The following LAIR2 variants were observed in gnomAD, a reference collection of about 807,000 sequenced individuals.
The protein encoded by LAIR2 is leukocyte associated immunoglobulin like receptor 2, also known as leukocyte-associated immunoglobulin-like receptor 2.
A neutral mutation model predicts 14.8 loss-of-function variants in LAIR2; 14 were observed. The ratio of observed to expected loss-of-function variants is 0.95; its 90% CI spans 0.62 to 1.48. LAIR2 has a LOEUF of 1.48. LAIR2 is among the 40% of genes most tolerant of loss of function. LAIR2 has a pLI of 0.00. For missense variants in LAIR2, 172 were observed against 180.9 expected, an observed-to-expected ratio of 0.95 and a Z score of 0.28; for synonymous variants, 75 against 74.5, an observed-to-expected ratio of 1.01 and a Z score of -0.03.
intron 2 of LAIR2, among the ~76,000 whole-genome samples, chr19:54,506,832 A>G (rs2085372834): frequency 6.6e-6 from 1 of 152,236 alleles, no homozygotes; most frequent in African/African-American, 2.4e-5. Context: ...TTTCGTCTAG[A>G]CAGGGAGAGT....
At chr19:54,509,844 C>T (rs1425776091) in intron 4 of LAIR2, among the ~76,000 whole-genome samples, 7 of 151,578 alleles carry the variant, frequency 4.6e-5, no homozygotes, top group African/African-American at 9.7e-5. Flanking sequence ...TGTCCATCTC[C>T]GCCTGTGATC....
chr19:54,504,102 A>G (rs1004014677), intron 2 of LAIR2, among the ~76,000 whole-genome samples: 4 of 145,264 alleles, frequency 2.8e-5, no homozygotes, highest in African/African-American at 7.7e-5. Flanking sequence ...GATTACAGGC[A>G]CCCACCACCA....
chr19:54,506,237 C>T (rs1476398460), intron 2 of LAIR2, among the ~76,000 whole-genome samples: 1 of 152,130 alleles, frequency 6.6e-6, no homozygotes, highest in Non-Finnish European at 1.5e-5. Flanking sequence ...ATGGCTACAT[C>T]GAGCTAGGCA....
At chr19:54,508,213 G>C (rs1555754840) in intron 3 of LAIR2, 29 bp downstream of exon 3, 1 of 1,591,514 alleles carries the variant, frequency 6.3e-7, no homozygotes, top group South Asian at 1.1e-5. Context: ...CCCTGCCCCA[G>C]TCTCAGCTCG....
intron 2 of LAIR2, among the ~76,000 whole-genome samples, chr19:54,506,200 C>T (rs6509880): frequency 0.45 from 68,658 of 151,864 alleles, 15,724 homozygotes; most frequent in Middle Eastern, 0.47. Context: ...TCCAATATGA[C>T]GTTGTGGACT....
intron 1 of LAIR2, among the ~76,000 whole-genome samples, chr19:54,503,290 A>G (rs1406284867): frequency 1.3e-5 from 2 of 151,958 alleles, no homozygotes; most frequent in African/African-American, 2.4e-5. Flanking sequence ...GTGAAACTCC[A>G]TCTCTACTAA....
chr19:54,507,912 T>A lies in LAIR2; in HGVS notation c.92T>A (p.Ile31Asn). ...TQEGALPRPSISAEPGTVISP... is the reference protein window; with the variant it reads ...TQEGALPRPSNSAEPGTVISP... ...TTAGGGGCCCTTCCCAGACCCTCCA[T>A]CTCGGCTGAGCCAGGCACTGTGATC... Residue 31 changes from isoleucine (I) to asparagine (N), a missense_variant, in exon 3 of 5, where the codon ATC (isoleucine) becomes AAC (asparagine). Physicochemically the swap from Ile to Asn is moderately radical, Grantham distance 149 (BLOSUM62 -3). This residue lies in a region of LAIR2 where 161 missense variants were observed against 149.0 expected (regional missense o/e 1.08). Transcript: ENST00000301202. 6.2e-7 allele frequency: 1 copy of A among 1,614,070 alleles called. No homozygotes were observed. The highest frequency in any genetic ancestry group is 1.1e-5 in the South Asian group (1 of 91,074).
chr19:54,507,180 C>T (rs990628731), intron 2 of LAIR2, among the ~76,000 whole-genome samples: 1 of 151,024 alleles, frequency 6.6e-6, no homozygotes, highest in African/African-American at 2.4e-5. Flanking sequence ...CCCGCCCTTC[C>T]TCCTCCACCC....
chr19:54,505,810 C>T (rs561726673), intron 2 of LAIR2, among the ~76,000 whole-genome samples: 2 of 150,942 alleles, frequency 1.3e-5, no homozygotes, highest in Admixed American at 1.3e-4. Context: ...GGTGGTTCTT[C>T]TCACATGCTG....
chr19:54,506,700 C>T (rs547067808), intron 2 of LAIR2, among the ~76,000 whole-genome samples: 6 of 152,098 alleles, frequency 3.9e-5, no homozygotes, highest in Admixed American at 1.3e-4. Context: ...CTCACATTTG[C>T]GGAATTAGCA....
intron 4 of LAIR2, among the ~76,000 whole-genome samples, chr19:54,510,255 G>A (rs1330695054): frequency 6.9e-6 from 1 of 144,378 alleles, no homozygotes; most frequent in Non-Finnish European, 1.5e-5. Flanking sequence ...AGGTCACGAG[G>A]GCAGACCCTC....
intron 4 of LAIR2, among the ~76,000 whole-genome samples, chr19:54,509,680 C>T (rs566416545): frequency 1.5e-4 from 23 of 149,276 alleles, no homozygotes; most frequent in Admixed American, 1.3e-3. Flanking sequence ...AGGGAGGGGA[C>T]GTAGCTGTGA....
intron 1 of LAIR2, 107 bp from the exon 2 acceptor site, chr19:54,503,593 G>A (rs899750084): frequency 2.7e-5 from 38 of 1,391,680 alleles, no homozygotes; most frequent in East Asian, 9.2e-5. Flanking sequence ...TGGCTTGGTC[G>A]TTATGAAATG....
chr19:54,504,879 G>A (rs1214170520), intron 2 of LAIR2, among the ~76,000 whole-genome samples: 1 of 152,092 alleles, frequency 6.6e-6, no homozygotes, highest in East Asian at 1.9e-4. Context: ...CAAAGTGCTG[G>A]GATTACAGGT....
intron 1 of LAIR2, 91 bp downstream of exon 1, chr19:54,503,043 C>T: frequency 4.7e-6 from 6 of 1,284,248 alleles, no homozygotes; most frequent in Non-Finnish European, 6.6e-6. Context: ...CCAGAAGATT[C>T]TGGGGAGGAA....
rs780972277 is a variant in LAIR2, at chr19:54,510,612, G to C, written c.*43G>C. The C allele has an allele frequency of 1.2e-6, 2 of 1,606,706 alleles. No homozygotes were observed. The highest frequency in any genetic ancestry group is 2.2e-5 in the South Asian group (2 of 90,964). ...CCCGTCTTGTGAACTTCAATGGGGA[G>C]AAATAATTAGAATGAGCAATAGAAA... is the stretch of plus-strand genomic sequence containing the variant. On this transcript the variant is annotated 3_prime_UTR_variant, in exon 5 of 5. Coordinates refer to ENST00000301202, the MANE Select transcript of LAIR2 (RefSeq NM_002288.6).
chr19:54,508,035 A>G lies in LAIR2; in HGVS notation c.215A>G (p.Tyr72Cys). The change falls in exon 3 of 5, where the codon TAT (tyrosine) becomes TGT (cysteine). Residue 72 changes from tyrosine to cysteine, a missense_variant. By Grantham distance (194) the Tyr-to-Cys change is radical. Transcript: ENST00000301202. Reference protein sequence around the residue: ...REDRAKYKDSYNVFRLGPSES... With the variant: ...REDRAKYKDSCNVFRLGPSES... The stretch of plus-strand genomic sequence containing the variant: ...GATAGAGCCAAGTACAAAGATAGTT[A>G]TAATGTGTTTCGACTTGGTCCATCT... The G allele has an allele frequency of 4.3e-6, 7 of 1,614,198 alleles. No homozygotes were observed. Among genetic ancestry groups the G allele is most frequent in the Non-Finnish European group, 5.9e-6 (7 of 1,180,034 alleles).
intron 4 of LAIR2, among the ~76,000 whole-genome samples, chr19:54,509,953 G>T (rs1381615027): frequency 6.7e-6 from 1 of 148,852 alleles, no homozygotes; most frequent in Admixed American, 6.7e-5. Flanking sequence ...CTTGGACCTA[G>T]ACCCGGTGAC....
chr19:54,503,718 C>G lies in LAIR2; in HGVS notation c.53C>G (p.Thr18Ser). 2 of 1,614,044 alleles carry G rather than the reference C, an allele frequency of 1.2e-6. No individual in the cohort carries two copies. Among genetic ancestry groups the G allele is most frequent in the Non-Finnish European group, 1.7e-6 (2 of 1,179,996 alleles). ...CTTCCAGTGCTCTGCCTGGCCCAGA[C>G]CATCCACACGCAGGAGGGTAAGTCA... ...LLGLVLCLAQ[T>S]IHTQEGALPR... The change falls in exon 2 of 5, where the codon ACC becomes AGC. Residue 18 changes from threonine to serine, a missense_variant. This residue lies in a region of LAIR2 where 161 missense variants were observed against 149.0 expected (regional missense o/e 1.08). Coordinates refer to ENST00000301202, the MANE Select transcript of LAIR2 (RefSeq NM_002288.6).
Sources: gnomAD v4.1 joint callset for allele counts (sites outside exome capture counted in the v4.1 genomes callset) on GRCh38, gnomAD v4.1.1 for gene constraint, gnomAD v4.1.1 regional missense constraint, MANE v1.5 for transcripts, NCBI Gene and HGNC (gene_info 2026-07-23, HGNC 2026-07-21) for gene names.